ANKFN1: variants seen among roughly 807,000 people sequenced by gnomAD.
ANKFN1 encodes ankyrin repeat and fibronectin type-III domain-containing protein 1.
ANKFN1 carries 74 observed loss-of-function variants against 108.7 expected under a neutral mutation model. The ratio of observed to expected loss-of-function variants is 0.68; its 90% CI spans 0.56 to 0.83. The LOEUF is 0.83. ANKFN1 is among the 40% of genes least tolerant of loss of function. The pLI is 0.00. For synonymous variants in ANKFN1, 547 were observed against 516.2 expected (o/e 1.06, Z -0.81); for missense variants, 1,505 against 1,382.3 (o/e 1.09, Z -1.41).
At chr17:56,248,290 C>T (rs901964690) in intron 3 of ANKFN1, among the ~76,000 whole-genome samples, 1 of 152,120 alleles carries the variant, frequency 6.6e-6, no homozygotes, top group Non-Finnish European at 1.5e-5. Context: ...GGTGCATGCA[C>T]CTGCAGAGAG....
At chr17:56,112,632 C>A (rs1047887791) in intron 4 of ANKFN1, among the ~76,000 whole-genome samples, 1 of 152,034 alleles carries the variant, frequency 6.6e-6, no homozygotes, top group African/African-American at 2.4e-5. Flanking sequence ...AAAATAAATT[C>A]ACATGGGGTT....
chr17:56,067,035 A>T (rs1283657495), intron 4 of ANKFN1, among the ~76,000 whole-genome samples: 2 of 152,142 alleles, frequency 1.3e-5, no homozygotes, highest in African/African-American at 4.8e-5. Flanking sequence ...TACTAAAAAC[A>T]CAAGAAAAAT....
chr17:56,326,761 T>G (rs2045527616), intron 4 of ANKFN1, among the ~76,000 whole-genome samples: 1 of 152,198 alleles, frequency 6.6e-6, no homozygotes, highest in Non-Finnish European at 1.5e-5. Flanking sequence ...TAAAGATGGG[T>G]TCCATCATGC....
chr17:56,091,180 A>T lies in ANKFN1; in HGVS notation c.288+44855A>T, dbSNP rs192587929. Among the ~76,000 whole-genome samples the T allele has an allele frequency of 4.6e-5, 7 of 151,112 alleles. No homozygotes were observed. In the East Asian group the frequency reaches 1.4e-3, roughly 29 times the overall value. ...TAGAGAATGGTAGAACGTGAAAGAG[A>T]GATATAAAGTCCTATACCAACCCAG... On this transcript the variant is annotated intron_variant, in intron 4 of 12. Coordinates refer to the ANKFN1 transcript ENST00000635860.
chr17:56,172,782 C>T lies in ANKFN1; in HGVS notation c.-71+19252C>T, dbSNP rs148560284. Reference sequence around the variant, plus strand: ...ACTTTCTCAGCTGGCTCTTGTCCCACGCTGTCTTAAAGGCACTACCTGACA... The same window carrying T: ...ACTTTCTCAGCTGGCTCTTGTCCCATGCTGTCTTAAAGGCACTACCTGACA... On this transcript the variant is annotated intron_variant, in intron 1 of 20. Transcript: ENST00000682825. Among the ~76,000 whole-genome samples the T allele has an allele frequency of 3.0e-4, 46 of 152,268 alleles. 1 individual carries two copies. In the East Asian group the frequency reaches 5.2e-3, roughly 17 times the overall value.
chr17:56,077,902 C>G (rs912177499), intron 4 of ANKFN1, among the ~76,000 whole-genome samples: 15 of 152,182 alleles, frequency 9.9e-5, no homozygotes, highest in African/African-American at 3.4e-4. Context: ...CTAAATACAT[C>G]ATCTCGTTTA....
At chr17:56,225,783 C>A in intron 2 of ANKFN1, among the ~76,000 whole-genome samples, 1 of 152,118 alleles carries the variant, frequency 6.6e-6, no homozygotes, top group Non-Finnish European at 1.5e-5. Context: ...TATTTTGTAC[C>A]TCAAGAAAAA....
chr17:56,513,303 G>A lies in ANKFN1; in HGVS notation c.*2034G>A, dbSNP rs549602664. The stretch of plus-strand genomic sequence containing the variant: ...TACCTAACAAGTTTCCAATATTACA[G>A]AGCTGCTTGTTGCCAAGGAATACAG... On this transcript the variant is annotated 3_prime_UTR_variant, in exon 21 of 21. Transcript: ENST00000682825. 2.0e-4 allele frequency among the ~76,000 whole-genome samples: 31 copies of A among 152,266 alleles called. No homozygotes were observed. The highest frequency in any genetic ancestry group is 1.4e-3 in the Admixed American group (22 of 15,294).
At chr17:56,414,101 G>A (rs2048172424) in intron 8 of ANKFN1, among the ~76,000 whole-genome samples, 2 of 152,186 alleles carry the variant, frequency 1.3e-5, no homozygotes, top group South Asian at 4.2e-4. Flanking sequence ...GTATTTTGTT[G>A]AGGAGTTTTA....
chr17:56,298,131 G>C (rs2044566696), intron 3 of ANKFN1, among the ~76,000 whole-genome samples: 1 of 152,136 alleles, frequency 6.6e-6, no homozygotes, highest in African/African-American at 2.4e-5. Flanking sequence ...GTGAGCAATT[G>C]CGTGTTTTAA....
intron 1 of ANKFN1, among the ~76,000 whole-genome samples, chr17:56,164,972 G>A (rs1460354325): frequency 1.3e-5 from 2 of 152,176 alleles, no homozygotes; most frequent in Admixed American, 1.3e-4. Context: ...ATCAAACCTG[G>A]TCCCCATCAT....
In ANKFN1 at chr17:56,515,468, C is replaced by T. The variant is rs1344723669; in HGVS notation, c.*4199C>T. Among the ~76,000 whole-genome samples the T allele has an allele frequency of 6.6e-6, 1 of 152,196 alleles. No individual in the cohort carries two copies. Among genetic ancestry groups the T allele is most frequent in the Non-Finnish European group, 1.5e-5 (1 of 68,034 alleles). The stretch of plus-strand genomic sequence containing the variant: ...ATAGCTATTTGGAAAGCAATGGTAT[C>T]TCTTCATAGGTAATAGGGTGAGCAA... On this transcript the variant is annotated 3_prime_UTR_variant, in exon 21 of 21. Transcript: ENST00000682825.
At chr17:56,279,118 A>G (rs1028476138) in intron 3 of ANKFN1, among the ~76,000 whole-genome samples, 11 of 152,212 alleles carry the variant, frequency 7.2e-5, no homozygotes, top group African/African-American at 2.7e-4. Context: ...TATACCAGCT[A>G]AGGAAAGTGT....
chr17:56,190,084 T>A (rs1912737772), intron 1 of ANKFN1, among the ~76,000 whole-genome samples: 2 of 149,908 alleles, frequency 1.3e-5, no homozygotes, highest in South Asian at 4.3e-4. Context: ...TTATTGTGTC[T>A]ATTTGATTCT....
chr17:56,217,291 A>T (rs1391509263), intron 2 of ANKFN1, among the ~76,000 whole-genome samples: 2 of 152,156 alleles, frequency 1.3e-5, no homozygotes, highest in African/African-American at 4.8e-5. Flanking sequence ...CTGTAGCAGC[A>T]TTTGGCTCCT....
intron 3 of ANKFN1, among the ~76,000 whole-genome samples, chr17:56,296,723 A>G (rs1409348346): frequency 6.6e-6 from 1 of 150,582 alleles, no homozygotes. Context: ...ACAACAACAA[A>G]ACGGCTGTGA....
At chr17:56,321,710 A>C (rs1290098059) in intron 3 of ANKFN1, among the ~76,000 whole-genome samples, 1 of 152,318 alleles carries the variant, frequency 6.6e-6, no homozygotes, top group South Asian at 2.1e-4. Flanking sequence ...CTGAAATTCT[A>C]TACATCATAT....
At chr17:56,271,897 A>G (rs931392546) in intron 3 of ANKFN1, among the ~76,000 whole-genome samples, 3 of 152,184 alleles carry the variant, frequency 2.0e-5, no homozygotes, top group African/African-American at 7.2e-5. Context: ...CAAAATGGGC[A>G]TGATAGCAGC....
chr17:56,443,775 C>CAGA (rs1193301164), intron 10 of ANKFN1, among the ~76,000 whole-genome samples: 1 of 152,160 alleles, frequency 6.6e-6, no homozygotes, highest in Non-Finnish European at 1.5e-5. Context: ...AAAATTTAAC[C>CAGA]AGAATAAATA....
Sources: gnomAD v4.1 joint callset for allele counts (sites outside exome capture counted in the v4.1 genomes callset) on GRCh38, gnomAD v4.1.1 for gene constraint, MANE v1.5 for transcripts, NCBI Gene and HGNC (gene_info 2026-07-23, HGNC 2026-07-21) for gene names.